Variants in SLC22A13 observed in about 807,000 individuals in gnomAD.
The protein encoded by SLC22A13 is organic anion transporter 10.
A neutral mutation model predicts 49.1 loss-of-function variants in SLC22A13; 42 were observed. That is an observed-to-expected ratio of 0.85 (90% confidence interval 0.67 to 1.11). The LOEUF is 1.11. SLC22A13 is among the 50% of genes least tolerant of loss of function. The pLI, the probability that SLC22A13 is intolerant of heterozygous loss-of-function variation, is 0.00. For missense variants in SLC22A13, 694 were observed against 712.8 expected (o/e 0.97, Z 0.30); for synonymous variants, 282 against 293.1 (o/e 0.96, Z 0.39).
At position 38,277,056 on chromosome 3, in the gene SLC22A13, C is replaced by G. The variant is rs1279776287; in HGVS notation, c.1491C>G (p.Thr497=). Residue 497 remains threonine, a synonymous_variant, in exon 9 of 10, where the codon ACC becomes ACG. Coordinates refer to ENST00000311856, the MANE Select transcript of SLC22A13 (RefSeq NM_004256.4). ...CCATCGTGGCCGGCCTGCTGTGCACCCTGCTGCCAGAGACGCATGGCCAGG... is the reference window on the plus strand; with the variant it reads ...CCATCGTGGCCGGCCTGCTGTGCACGCTGCTGCCAGAGACGCATGGCCAGG... ...SLPIVAGLLC[T]LLPETHGQGL... The G allele has an allele frequency of 6.3e-7, 1 of 1,593,914 alleles. No homozygotes were observed. Among genetic ancestry groups the G allele is most frequent in the South Asian group, 1.1e-5 (1 of 88,036 alleles).
chr3:38,275,274 G>A, intron 4 of SLC22A13, 96 bp from the exon 5 acceptor site: 3 of 1,592,846 alleles, frequency 1.9e-6, no homozygotes. Flanking sequence ...GAGGGAGCCT[G>A]TCACAGCTGG....
rs375755009 is a variant in SLC22A13, at chr3:38,276,247, C to T, written c.1238-40C>T. 20 of 1,546,206 alleles carry T rather than the reference C, an allele frequency of 1.3e-5. No homozygotes were observed. In the African/African-American group the frequency reaches 2.0e-4, roughly 16 times the overall value. On this transcript the variant is annotated intron_variant, in intron 7 of 9. Coordinates refer to ENST00000311856, the MANE Select transcript of SLC22A13 (RefSeq NM_004256.4). ...GGGGAGTTCCAGTGGATGGGACCGGCGTCAGGGCCCAGGTGATGGGGCTGT... is the reference window on the plus strand; with the variant it reads ...GGGGAGTTCCAGTGGATGGGACCGGTGTCAGGGCCCAGGTGATGGGGCTGT...
At chr3:38,273,951 A>G (rs564330737) in intron 1 of SLC22A13, among the ~76,000 whole-genome samples, 1 of 152,370 alleles carries the variant, frequency 6.6e-6, no homozygotes, top group South Asian at 2.1e-4. Context: ...AACTGCCAAA[A>G]GCACTTTCCT....
At chr3:38,275,339 C>A in intron 4 of SLC22A13, 31 bp from the exon 5 acceptor site, 1 of 1,613,630 alleles carries the variant, frequency 6.2e-7, no homozygotes, top group Non-Finnish European at 8.5e-7. Flanking sequence ...GGACTCCAGG[C>A]CCCAAGGTCA....
chr3:38,269,904 T>TC (rs1235744794), intron 1 of SLC22A13, among the ~76,000 whole-genome samples: 1 of 127,442 alleles, frequency 7.8e-6, no homozygotes, highest in African/African-American at 3.0e-5. Flanking sequence ...AGTGTGATGT[T>TC]CCCCTTCCTG....
At chr3:38,268,266 AAC>A (rs1703483285) in intron 1 of SLC22A13, among the ~76,000 whole-genome samples, 2 of 152,334 alleles carry the variant, frequency 1.3e-5, no homozygotes, top group East Asian at 3.9e-4. Context: ...AGGTTCCTCA[AAC>A]ACAAAACAGA....
intron 3 of SLC22A13, 41 bp downstream of exon 3, chr3:38,274,799 G>A: frequency 1.3e-6 from 2 of 1,584,864 alleles, no homozygotes; most frequent in East Asian, 2.2e-5. Context: ...ATAGGGTGAG[G>A]CCCAGGGGCC....
Position 38,274,587 on chromosome 3 carries a change from C to G in SLC22A13, c.483-17C>G. 1.2e-6 allele frequency: 2 copies of G among 1,611,682 alleles called. No individual in the cohort carries two copies. Among genetic ancestry groups the G allele is most frequent in the Non-Finnish European group, 1.7e-6 (2 of 1,178,888 alleles). ...TCCGGGAGGGACCCTCCCCACAGAC[C>G]TGCCCTGTTTCCTCAGGATTGGCCG... On this transcript the variant is annotated splice_polypyrimidine_tract_variant and intron_variant, in intron 2 of 9. Transcript: ENST00000311856.
At position 38,278,594 on chromosome 3, in the gene SLC22A13, C is replaced by T. The variant is rs9858830; in HGVS notation, c.*1129C>T. Among the ~76,000 whole-genome samples, 298 of 151,584 alleles carry T rather than the reference C, an allele frequency of 2.0e-3. No homozygotes were observed. Among genetic ancestry groups the T allele is most frequent in the African/African-American group, 7.0e-3 (288 of 41,298 alleles). On this transcript the variant is annotated 3_prime_UTR_variant, in exon 10 of 10. Coordinates refer to ENST00000311856, the MANE Select transcript of SLC22A13 (RefSeq NM_004256.4). ...CAGCACTTTGGGAGGCTGAGGCGGG[C>T]GGATTACCTGAGGTCAGGAATTTGA...
At chr3:38,276,265 G>A (rs1220921589) in intron 7 of SLC22A13, 22 bp from the exon 8 acceptor site, 2 of 1,592,128 alleles carry the variant, frequency 1.3e-6, no homozygotes, top group Non-Finnish European at 1.7e-6. Flanking sequence ...CCCAGGTGAT[G>A]GGGCTGTCTA....
At position 38,275,227 on chromosome 3, in the gene SLC22A13, A is replaced by C. The variant is rs1046738123; in HGVS notation, c.806+70A>C. 27 of 1,593,026 alleles carry C rather than the reference A, an allele frequency of 1.7e-5. 1 individual carries two copies. The highest frequency in any genetic ancestry group is 2.2e-5 in the Non-Finnish European group (26 of 1,162,408). On this transcript the variant is annotated intron_variant, in intron 4 of 9. Transcript: ENST00000311856. The stretch of plus-strand genomic sequence containing the variant: ...TGTTGTGGTGGGGTTGCAGTGCAGC[A>C]CCCATGTTCATAGGACAGTCAGAGG...
intron 1 of SLC22A13, among the ~76,000 whole-genome samples, chr3:38,270,086 A>G (rs1312490340): frequency 1.3e-5 from 2 of 152,040 alleles, no homozygotes; most frequent in Non-Finnish European, 2.9e-5. Context: ...CATGGTGTAT[A>G]TGTGCCACAT....
intron 1 of SLC22A13, among the ~76,000 whole-genome samples, chr3:38,272,042 A>G (rs866945643): frequency 4.6e-5 from 7 of 152,342 alleles, no homozygotes; most frequent in South Asian, 4.1e-4. Context: ...TGACAACACC[A>G]TGAGAGCTCA....
chr3:38,271,967 T>C (rs990418686), intron 1 of SLC22A13, among the ~76,000 whole-genome samples: 2 of 152,184 alleles, frequency 1.3e-5, no homozygotes, highest in East Asian at 1.9e-4. Flanking sequence ...ACTGTGGGTG[T>C]TGGGGCTGGG....
intron 1 of SLC22A13, among the ~76,000 whole-genome samples, chr3:38,271,291 G>T (rs971574214): frequency 1.3e-5 from 2 of 152,088 alleles, no homozygotes; most frequent in Non-Finnish European, 2.9e-5. Flanking sequence ...TGGGCTGGGT[G>T]CAGTGGCTCG....
chr3:38,271,382 T>C (rs146108135), intron 1 of SLC22A13, among the ~76,000 whole-genome samples: 123 of 151,644 alleles, frequency 8.1e-4, no homozygotes, highest in African/African-American at 2.9e-3. Context: ...CTGGGCAATA[T>C]AGTGAGACCT....
chr3:38,269,278 G>A (rs1703494927), intron 1 of SLC22A13, among the ~76,000 whole-genome samples: 1 of 150,648 alleles, frequency 6.6e-6, no homozygotes, highest in South Asian at 2.1e-4. Context: ...TTTTTTTTGA[G>A]ACAGGGTCTT....
chr3:38,265,953 G>A lies in SLC22A13; in HGVS notation c.93G>A (p.Leu31=), dbSNP rs1703458946. ...TCCTGCTGTGTGTTCTCAACTTCCTGTCTCCCTTCTACTTTTTTGCCCATG... is the reference window on the plus strand; with the variant it reads ...TCCTGCTGTGTGTTCTCAACTTCCTATCTCCCTTCTACTTTTTTGCCCATG... ...LLILLCVLNF[L]SPFYFFAHVF... The change falls in exon 1 of 10, where the codon CTG becomes CTA. Residue 31 remains leucine, a synonymous_variant. Coordinates refer to ENST00000311856, the MANE Select transcript of SLC22A13 (RefSeq NM_004256.4). 6.2e-7 allele frequency: 1 copy of A among 1,614,128 alleles called. No individual in the cohort carries two copies. The highest frequency in any genetic ancestry group is 8.5e-7 in the Non-Finnish European group (1 of 1,180,020).
rs556650453 is a variant in SLC22A13, at chr3:38,266,073, C to T, written c.213C>T (p.Ser71=). The change falls in exon 1 of 10, where the codon AGC becomes AGT. Residue 71 remains serine, a synonymous_variant. Coordinates refer to ENST00000311856, the MANE Select transcript of SLC22A13 (RefSeq NM_004256.4). ...NLSAAEQLVL[S]VPLDTAGHPE... is the part of the protein sequence containing the mutation. The stretch of plus-strand genomic sequence containing the variant: ...GTGCTGCTGAACAGCTGGTACTGAG[C>T]GTGCCCCTGGACACTGCAGGTCACC... 3.7e-6 allele frequency: 6 copies of T among 1,614,170 alleles called. No homozygotes were observed. The highest frequency in any genetic ancestry group is 2.7e-5 in the African/African-American group (2 of 75,030).
Sources: gnomAD v4.1 joint callset for allele counts (sites outside exome capture counted in the v4.1 genomes callset) on GRCh38, gnomAD v4.1.1 for gene constraint, MANE v1.5 for transcripts, NCBI Gene and HGNC (gene_info 2026-07-23, HGNC 2026-07-21) for gene names.